GPC5: variants seen among roughly 807,000 people sequenced by gnomAD.
GPC5 encodes glypican-5.
GPC5 carries 47 observed loss-of-function variants against 53.9 expected under a neutral mutation model. The observed-to-expected ratio is 0.87, with a 90% CI of 0.69 to 1.11. The LOEUF (loss-of-function observed/expected upper bound fraction) is 1.11, where lower values mean the gene tolerates loss of function less well. Ranked by LOEUF, GPC5 falls within the 50% of genes most tolerant of loss-of-function variation. The pLI is 0.00. For synonymous variants in GPC5, 286 were observed against 263.3 expected, an observed-to-expected ratio of 1.09 and a Z score of -0.84; for missense variants, 748 against 713.1, an observed-to-expected ratio of 1.05 and a Z score of -0.56.
chr13:92,184,673 T>C lies in GPC5; in HGVS notation c.1561+39684T>C, dbSNP rs186982017. On this transcript the variant is annotated intron_variant, in intron 7 of 7. Transcript: ENST00000377067. ...AAAATTTAGCTATGCCTTTAAAATA[T>C]TTTTTGTTTTATTTTAATTCAGCCT... Among the ~76,000 whole-genome samples the C allele has an allele frequency of 3.4e-3, 521 of 152,344 alleles. 1 individual carries two copies. The highest frequency in any genetic ancestry group is 6.0e-3 in the Non-Finnish European group (406 of 68,044).
chr13:92,710,387 G>C (rs370461188), intron 7 of GPC5, among the ~76,000 whole-genome samples: 41 of 152,094 alleles, frequency 2.7e-4, no homozygotes, highest in African/African-American at 9.2e-4. Context: ...TTAGAGGAAT[G>C]GAAATAAAAG....
chr13:91,667,159 T>C (rs755447951), intron 2 of GPC5, among the ~76,000 whole-genome samples: 27 of 152,186 alleles, frequency 1.8e-4, no homozygotes, highest in Non-Finnish European at 4.0e-4. Flanking sequence ...TGTGATCATG[T>C]TGATTGTGGT....
chr13:91,842,518 C>A (rs2038799144), intron 5 of GPC5, among the ~76,000 whole-genome samples: 2 of 149,206 alleles, frequency 1.3e-5, no homozygotes, highest in South Asian at 4.4e-4. Context: ...TTGGCTAACA[C>A]GGTGAAACCC....
chr13:92,337,780 C>T (rs1225750574), intron 7 of GPC5, among the ~76,000 whole-genome samples: 1 of 152,234 alleles, frequency 6.6e-6, no homozygotes, highest in South Asian at 2.1e-4. Context: ...AATCTAGACA[C>T]AGACTTTACA....
chr13:92,054,462 T>C (rs934115755), intron 6 of GPC5, among the ~76,000 whole-genome samples: 2 of 152,174 alleles, frequency 1.3e-5, no homozygotes, highest in African/African-American at 4.8e-5. Context: ...GTATTTTATG[T>C]ATATTAATTT....
intron 7 of GPC5, among the ~76,000 whole-genome samples, chr13:92,147,499 T>C (rs567342273): frequency 1.3e-5 from 2 of 152,166 alleles, no homozygotes; most frequent in East Asian, 3.9e-4. Flanking sequence ...CGTCACTCTT[T>C]TTTGTTTGTT....
chr13:92,052,071 T>G (rs1029957872), intron 6 of GPC5, among the ~76,000 whole-genome samples: 21 of 152,160 alleles, frequency 1.4e-4, no homozygotes, highest in African/African-American at 3.9e-4. Flanking sequence ...AAACAGAATG[T>G]GTATTAGGTC....
chr13:91,816,955 A>G (rs1566281107), intron 5 of GPC5, among the ~76,000 whole-genome samples: 1 of 152,206 alleles, frequency 6.6e-6, no homozygotes, highest in East Asian at 1.9e-4. Flanking sequence ...AAAAGATGTC[A>G]AGTGTCTGTA....
chr13:92,333,929 AAT>A (rs2043304931), intron 7 of GPC5, among the ~76,000 whole-genome samples: 1 of 152,138 alleles, frequency 6.6e-6, no homozygotes, highest in Non-Finnish European at 1.5e-5. Flanking sequence ...CAGAGATAGA[AAT>A]CCTAAGCAAA....
intron 2 of GPC5, among the ~76,000 whole-genome samples, chr13:91,571,825 A>ACACACACATACGTGTGTGTGTG (rs1566515523): frequency 2.5e-5 from 2 of 81,084 alleles, no homozygotes; most frequent in Admixed American, 1.1e-4. Flanking sequence ...GTGTGTGTAT[A>ACACACACATACGTGTGTGTGTG]TATACACATA....
chr13:92,537,709 A>T (rs1220484575), intron 7 of GPC5, among the ~76,000 whole-genome samples: 6 of 152,104 alleles, frequency 3.9e-5, no homozygotes, highest in Non-Finnish European at 8.8e-5. Flanking sequence ...AGAGTATATT[A>T]TCCATCTCCC....
At chr13:91,773,224 G>A (rs961607627) in intron 5 of GPC5, among the ~76,000 whole-genome samples, 15 of 152,104 alleles carry the variant, frequency 9.9e-5, no homozygotes, top group African/African-American at 2.2e-4. Context: ...TAGTAACACC[G>A]ATAGAAATTA....
intron 5 of GPC5, among the ~76,000 whole-genome samples, chr13:91,886,770 T>A (rs888549433): frequency 2.0e-5 from 3 of 152,232 alleles, no homozygotes; most frequent in African/African-American, 7.2e-5. Context: ...CTTTATGTCT[T>A]ACATGCAAGT....
intron 7 of GPC5, among the ~76,000 whole-genome samples, chr13:92,246,029 A>C (rs2042648018): frequency 6.6e-6 from 1 of 151,308 alleles, no homozygotes; most frequent in Non-Finnish European, 1.5e-5. Context: ...GTAATTCATC[A>C]TTAAAAAAAT....
At position 92,480,876 on chromosome 13, in the gene GPC5, G is replaced by C. The variant is rs77955749; in HGVS notation, c.1561+335887G>C. Among the ~76,000 whole-genome samples, 622 of 152,286 alleles carry C rather than the reference G, an allele frequency of 4.1e-3. 4 individuals are homozygous for C. Among genetic ancestry groups the C allele is most frequent in the African/African-American group, 0.014 (581 of 41,568 alleles). On this transcript the variant is annotated intron_variant, in intron 7 of 7. Transcript: ENST00000377067. ...TGAGCCAGGAGATTTGGCGAGGGAG[G>C]TGTGACCCTGGAAGCAGAATGATGT... is the stretch of plus-strand genomic sequence containing the variant.
Position 92,047,016 on chromosome 13 carries a change from A to G in GPC5, c.1402-97814A>G, listed in dbSNP as rs192496501. ...ATGCAGTAGATTTAAGTGATTTCAC[A>G]GAATTTATTTTTCCTCCCTAGCACA... On this transcript the variant is annotated intron_variant, in intron 6 of 7. Coordinates refer to ENST00000377067, the MANE Select transcript of GPC5 (RefSeq NM_004466.6). 5.3e-5 allele frequency among the ~76,000 whole-genome samples: 8 copies of G among 152,346 alleles called. No homozygotes were observed. The East Asian group carries it at 1.5e-3, about 29-fold the overall frequency.
chr13:91,494,458 C>T (rs1884138871), intron 2 of GPC5, among the ~76,000 whole-genome samples: 1 of 152,004 alleles, frequency 6.6e-6, no homozygotes, highest in Non-Finnish European at 1.5e-5. Context: ...AATGTACTTT[C>T]TCCAGCTGCT....
At chr13:91,858,641 G>A (rs763202705) in intron 5 of GPC5, among the ~76,000 whole-genome samples, 4 of 151,750 alleles carry the variant, frequency 2.6e-5, no homozygotes, top group Non-Finnish European at 4.4e-5. Flanking sequence ...TGTGTCTTTG[G>A]TTTTGGTATC....
Position 92,203,305 on chromosome 13 carries a change from A to C in GPC5, c.1561+58316A>C, listed in dbSNP as rs369852206. ...ATATACACCATGGAATACTATGCAG[A>C]CATAAAAAATGATGAGTTCATATCC... is the stretch of plus-strand genomic sequence containing the variant. On this transcript the variant is annotated intron_variant, in intron 7 of 7. Transcript: ENST00000377067. Among the ~76,000 whole-genome samples, 348 of 149,990 alleles carry C rather than the reference A, an allele frequency of 2.3e-3. 5 individuals carry two copies. Among genetic ancestry groups the C allele is most frequent in the African/African-American group, 6.3e-3 (257 of 40,592 alleles).
Sources: gnomAD v4.1 joint callset for allele counts (sites outside exome capture counted in the v4.1 genomes callset) on GRCh38, gnomAD v4.1.1 for gene constraint, MANE v1.5 for transcripts, NCBI Gene and HGNC (gene_info 2026-07-23, HGNC 2026-07-21) for gene names.